Variants in SNX13 observed in about 807,000 individuals in gnomAD.
SNX13 encodes sorting nexin 13, also known as sorting nexin-13.
In SNX13, 45 loss-of-function variants were observed where a neutral mutation model predicts 133.6. The observed-to-expected ratio is 0.34, with a 90% confidence interval of 0.27 to 0.43. The LOEUF (loss-of-function observed/expected upper bound fraction) is 0.43, where lower values mean the gene tolerates loss of function less well. Ranked by LOEUF, SNX13 falls within the 20% of genes least tolerant of loss-of-function variation. The pLI, the probability that SNX13 is intolerant of heterozygous loss-of-function variation, is 1.00. For missense variants in SNX13, 1,032 were observed against 1,145.1 expected, an observed-to-expected ratio of 0.90 and a Z score of 1.43; for synonymous variants, 414 against 373.9, an observed-to-expected ratio of 1.11 and a Z score of -1.24.
At chr7:17,822,407 T>C (rs1787400792) in intron 17 of SNX13, among the ~76,000 whole-genome samples, 1 of 152,086 alleles carries the variant, frequency 6.6e-6, no homozygotes, top group Non-Finnish European at 1.5e-5. Flanking sequence ...TAATAGTGAG[T>C]CTCTTCTCAT....
intron 1 of SNX13, among the ~76,000 whole-genome samples, chr7:17,904,421 T>G (rs1798171934): frequency 6.6e-6 from 1 of 152,244 alleles, no homozygotes; most frequent in African/African-American, 2.4e-5. Context: ...TTATCAGTGC[T>G]TAATTTAGGC....
intron 9 of SNX13, among the ~76,000 whole-genome samples, chr7:17,852,127 A>C (rs540355331): frequency 6.6e-6 from 1 of 152,258 alleles, no homozygotes; most frequent in Non-Finnish European, 1.5e-5. Flanking sequence ...TAATCGCAGC[A>C]CTTTGGTAGG....
chr7:17,899,332 T>C (rs941676912), intron 1 of SNX13: 1 of 152,200 alleles, frequency 6.6e-6, no homozygotes, highest in African/African-American at 2.4e-5. Flanking sequence ...CCTTCTTGTA[T>C]TTTAATATTG....
At chr7:17,850,283 GCATTTTTAATCCCTATAGTA>G in intron 11 of SNX13, 44 bp downstream of exon 11, 1 of 1,043,932 alleles carries the variant, frequency 9.6e-7, no homozygotes. Flanking sequence ...CCTTTACTGT[GCATTTTTAATCCCTATAGTA>G]TAGTATTTAT....
intron 5 of SNX13, among the ~76,000 whole-genome samples, chr7:17,884,331 T>C (rs1314634276): frequency 1.3e-5 from 2 of 152,206 alleles, no homozygotes; most frequent in Non-Finnish European, 1.5e-5. Context: ...ACAAAATAGG[T>C]GTATATTACT....
chr7:17,829,066 T>C (rs932275170), intron 16 of SNX13, among the ~76,000 whole-genome samples: 1 of 151,506 alleles, frequency 6.6e-6, no homozygotes, highest in Non-Finnish European at 1.5e-5. Flanking sequence ...CTACCACAGA[T>C]TTGCTTTAGT....
At chr7:17,927,802 G>T (rs1800927850) in intron 1 of SNX13, among the ~76,000 whole-genome samples, 1 of 152,100 alleles carries the variant, frequency 6.6e-6, no homozygotes, top group Non-Finnish European at 1.5e-5. Context: ...AATAAGCTCA[G>T]TTACATGGAA....
At chr7:17,843,514 G>C (rs924868441) in intron 12 of SNX13, among the ~76,000 whole-genome samples, 1 of 151,888 alleles carries the variant, frequency 6.6e-6, no homozygotes, top group African/African-American at 2.4e-5. Flanking sequence ...TCTCAGTAAC[G>C]GATAGACCCA....
At chr7:17,888,644 T>G in intron 5 of SNX13, 2 of 466,752 alleles carry the variant, frequency 4.3e-6, no homozygotes, top group Non-Finnish European at 4.4e-6. Context: ...CTTCACAATT[T>G]TCAAAACACT....
Position 17,848,520 on chromosome 7 carries a change from A to G in SNX13, c.1065+1827T>C, listed in dbSNP as rs1790814978. On this transcript the variant is annotated intron_variant, in intron 11 of 25. Coordinates refer to ENST00000428135, the MANE Select transcript of SNX13 (RefSeq NM_015132.5). ...GCCATCCACAGACAGCAGAGCTAAGAGAGCGCTGTAACACACCTTCTAGGG... is the reference window on the plus strand; with the variant it reads ...GCCATCCACAGACAGCAGAGCTAAGGGAGCGCTGTAACACACCTTCTAGGG... Among the ~76,000 whole-genome samples the G allele has an allele frequency of 3.3e-5, 5 of 152,220 alleles. No homozygotes were observed. In the South Asian group the frequency reaches 1.0e-3, roughly 31 times the overall value.
intron 9 of SNX13, among the ~76,000 whole-genome samples, chr7:17,861,025 C>CT (rs539150851): frequency 1.4e-4 from 21 of 151,698 alleles, no homozygotes; most frequent in Admixed American, 2.6e-4. Context: ...TTATTTGTGT[C>CT]TTTTTTTTGT....
At chr7:17,810,245 G>A (rs1167111130) in intron 20 of SNX13, among the ~76,000 whole-genome samples, 2 of 152,058 alleles carry the variant, frequency 1.3e-5, no homozygotes, top group East Asian at 3.9e-4. Context: ...AAGAAGAAAA[G>A]AGAAGAATCA....
At chr7:17,907,620 C>A (rs556935499) in intron 1 of SNX13, among the ~76,000 whole-genome samples, 95 of 152,162 alleles carry the variant, frequency 6.2e-4, no homozygotes, top group African/African-American at 2.3e-3. Flanking sequence ...GCAGCAACAC[C>A]CCCCCTGAAA....
chr7:17,873,764 A>T (rs1794385625), intron 7 of SNX13, 148 bp from the exon 8 acceptor site: 2 of 386,766 alleles, frequency 5.2e-6, no homozygotes, highest in South Asian at 1.2e-4. Flanking sequence ...ATCAGTATTC[A>T]TTAAAAATTC....
intron 1 of SNX13, among the ~76,000 whole-genome samples, chr7:17,922,206 G>C (rs1800199241): frequency 6.6e-6 from 1 of 152,190 alleles, no homozygotes; most frequent in Admixed American, 6.5e-5. Context: ...TTCCACTTTT[G>C]GAGGAGTCCT....
At chr7:17,871,036 G>A (rs564157037) in intron 8 of SNX13, among the ~76,000 whole-genome samples, 192 of 150,858 alleles carry the variant, frequency 1.3e-3, no homozygotes, top group African/African-American at 4.5e-3. Context: ...GAGGGAGTCT[G>A]GCTCTGTCGC....
Position 17,868,496 on chromosome 7 carries a change from A to G in SNX13, c.754-6T>C. On this transcript the variant is annotated splice_region_variant and splice_polypyrimidine_tract_variant and intron_variant, in intron 8 of 25. Transcript: ENST00000428135. ...ATTCCTCGTGCAAGGATTTCCTGAA[A>G]AAAAAGTAAATAACAAAAACAAATT... 1 of 1,591,076 alleles carries G rather than the reference A, an allele frequency of 6.3e-7. No homozygotes were observed. Among genetic ancestry groups the G allele is most frequent in the Non-Finnish European group, 8.6e-7 (1 of 1,167,908 alleles).
At chr7:17,808,485 T>G (rs995728661) in intron 20 of SNX13, among the ~76,000 whole-genome samples, 7 of 152,222 alleles carry the variant, frequency 4.6e-5, no homozygotes, top group African/African-American at 1.7e-4. Context: ...TTGATTGCTG[T>G]ACCTGAAAGT....
rs191702241 is a variant in SNX13 at position 17,907,019 on chromosome 7, T to C, written c.13-9573A>G. Among the ~76,000 whole-genome samples the C allele has an allele frequency of 2.6e-5, 4 of 152,326 alleles. No homozygotes were observed. In the East Asian group the frequency reaches 5.8e-4, roughly 22 times the overall value. ...ATTTCCATTCATGTTGGTTATGTTC[T>C]TGGGGCGAAACACCAAGTATTTTTT... is the stretch of plus-strand genomic sequence containing the variant. On this transcript the variant is annotated intron_variant, in intron 1 of 25. Coordinates refer to ENST00000428135, the MANE Select transcript of SNX13 (RefSeq NM_015132.5).
Sources: allele counts gnomAD v4.1 joint callset (sites outside exome capture counted in the v4.1 genomes callset), GRCh38; gene constraint gnomAD v4.1.1; transcripts MANE v1.5; gene names NCBI Gene and HGNC (gene_info 2026-07-23, HGNC 2026-07-21).